EEFSEC: variants seen among roughly 807,000 people sequenced by gnomAD.
EEFSEC encodes eukaryotic elongation factor, selenocysteine-tRNA specific, also known as selenocysteine-specific elongation factor.
Under a neutral mutation model 42.1 loss-of-function variants are expected in EEFSEC, and 43 were observed. The observed-to-expected ratio is 1.02, with a 90% confidence interval of 0.80 to 1.32. The LOEUF is 1.32. EEFSEC is among the 40% of genes most tolerant of loss of function. The pLI is 0.00. For synonymous variants in EEFSEC, 354 were observed against 339.1 expected (o/e 1.04, Z -0.48); for missense variants, 745 against 803.6 (o/e 0.93, Z 0.88).
intron 4 of EEFSEC, among the ~76,000 whole-genome samples, chr3:128,299,286 A>T (rs2066740906): frequency 6.6e-6 from 1 of 151,770 alleles, no homozygotes. Context: ...GTGGTAACTC[A>T]TTGTCGTTTG....
At chr3:128,269,124 C>T (rs1322229225) in intron 4 of EEFSEC, among the ~76,000 whole-genome samples, 1 of 152,206 alleles carries the variant, frequency 6.6e-6, no homozygotes, top group African/African-American at 2.4e-5. Flanking sequence ...TCCTGGCATG[C>T]CCATCCCACA....
chr3:128,160,806 G>A lies in EEFSEC; in HGVS notation c.316+6983G>A, dbSNP rs2955116. Among the ~76,000 whole-genome samples, 65 of 149,680 alleles carry A rather than the reference G, an allele frequency of 4.3e-4. No individual in the cohort carries two copies. In the East Asian group the frequency reaches 9.6e-3, roughly 22 times the overall value. On this transcript the variant is annotated intron_variant, in intron 1 of 6. Transcript: ENST00000254730. ...CCACTGTGTGCGCACACACACGCGC[G>A]CACACACACACACACACACGAATCC... is the stretch of plus-strand genomic sequence containing the variant.
intron 1 of EEFSEC, among the ~76,000 whole-genome samples, chr3:128,195,201 T>G (rs1246339444): frequency 6.6e-6 from 1 of 152,228 alleles, no homozygotes; most frequent in South Asian, 2.1e-4. Context: ...TCTATGGCTT[T>G]AGGAGTTGAG....
intron 1 of EEFSEC, among the ~76,000 whole-genome samples, chr3:128,178,763 G>C (rs532580118): frequency 2.4e-4 from 37 of 152,224 alleles, no homozygotes; most frequent in Admixed American, 8.5e-4. Context: ...CTTTACCACA[G>C]ACCAGAAATT....
chr3:128,399,629 A>T (rs2068025904), intron 6 of EEFSEC, among the ~76,000 whole-genome samples: 1 of 152,108 alleles, frequency 6.6e-6, no homozygotes, highest in Non-Finnish European at 1.5e-5. Context: ...TTAGCTCCCC[A>T]GGAAAACAGA....
intron 4 of EEFSEC, among the ~76,000 whole-genome samples, chr3:128,280,121 G>T (rs1003173154): frequency 1.3e-5 from 2 of 152,190 alleles, no homozygotes; most frequent in East Asian, 3.8e-4. Context: ...ATCTCAATAT[G>T]TATGATTTGG....
In EEFSEC at chr3:128,334,030, TGAGA is replaced by T. The variant is rs201430343; in HGVS notation, c.787-7201_787-7198del. 1.5e-4 allele frequency among the ~76,000 whole-genome samples: 23 copies of T among 152,328 alleles called. No individual in the cohort carries two copies. The East Asian group carries it at 4.4e-3, about 29-fold the overall frequency. On this transcript the variant is annotated intron_variant, in intron 4 of 6. Transcript: ENST00000254730. ...GGAGGTTGGGAGGGAGGGATGCAGC[TGAGA>T]GTTAGCTCTGAAAACTCCATGGGCA...
chr3:128,284,935 T>G (rs1021004665), intron 4 of EEFSEC, among the ~76,000 whole-genome samples: 5 of 151,890 alleles, frequency 3.3e-5, no homozygotes, highest in Non-Finnish European at 5.9e-5. Context: ...ATGCAATATG[T>G]AAGGAGAAGC....
chr3:128,370,653 C>A (rs535728297), intron 6 of EEFSEC, among the ~76,000 whole-genome samples: 1 of 152,246 alleles, frequency 6.6e-6, no homozygotes, highest in Non-Finnish European at 1.5e-5. Flanking sequence ...ACCCTCTCTC[C>A]CCAGCCCAGC....
At chr3:128,414,256 G>A in the EEFSEC span, among the ~76,000 whole-genome samples, 1 of 152,132 alleles carries the variant, frequency 6.6e-6, no homozygotes, top group Non-Finnish European at 1.5e-5. Flanking sequence ...GTGGACCCCG[G>A]GGCTCTCTGG....
At chr3:128,249,515 G>T (rs571664209) in intron 2 of EEFSEC, among the ~76,000 whole-genome samples, 2 of 152,098 alleles carry the variant, frequency 1.3e-5, no homozygotes, top group Admixed American at 6.5e-5. Flanking sequence ...CTGTGTACCT[G>T]TCCCCACTAT....
rs1251305991 is a variant in EEFSEC, at chr3:128,153,525, G to C, written c.18G>C (p.Val6=). 6.6e-7 allele frequency: 1 copy of C among 1,514,864 alleles called. No individual in the cohort carries two copies. Among genetic ancestry groups the C allele is most frequent in the Non-Finnish European group, 8.8e-7 (1 of 1,137,876 alleles). 93.8% of individuals were successfully genotyped at this position (1,514,864 alleles called of 1,614,324 possible). A position where few individuals can be genotyped will look rare whatever the true frequency, so the allele number is the denominator to read the frequency against. ...GCGGCGGCATGGCAGGGCGGCGGGT[G>C]AACGTGAACGTGGGCGTGCTGGGCC... MAGRR[V]NVNVGVLGHI... The change falls in exon 1 of 7, where the codon GTG becomes GTC. Residue 6 remains valine (V), a synonymous_variant. Transcript: ENST00000254730.
At chr3:128,363,412 C>A (rs577140808) in intron 6 of EEFSEC, among the ~76,000 whole-genome samples, 1 of 152,340 alleles carries the variant, frequency 6.6e-6, no homozygotes. Context: ...ACTCCCCACA[C>A]CATGATGCCT....
intron 2 of EEFSEC, 51 bp from the exon 3 acceptor site, chr3:128,262,077 G>A: frequency 6.4e-7 from 1 of 1,570,062 alleles, no homozygotes; most frequent in South Asian, 1.1e-5. Flanking sequence ...CGTGCTTTGT[G>A]TCCATGTTGC....
rs111284262 is a variant in EEFSEC, at chr3:128,212,307, C to T, written c.317-34529C>T. 4.1e-3 allele frequency among the ~76,000 whole-genome samples: 623 copies of T among 152,332 alleles called. 5 individuals carry two copies. The highest frequency in any genetic ancestry group is 0.02 in the Middle Eastern group (6 of 294). ...TATCTGGACAGGGGCTGACCCTCAT[C>T]AGAGGTGTTCCTGCCACTACCTTTA... On this transcript the variant is annotated intron_variant, in intron 1 of 6. Coordinates refer to ENST00000254730, the MANE Select transcript of EEFSEC (RefSeq NM_021937.5).
intron 4 of EEFSEC, among the ~76,000 whole-genome samples, chr3:128,340,748 G>A (rs1280742929): frequency 1.3e-5 from 2 of 152,198 alleles, no homozygotes; most frequent in African/African-American, 4.8e-5. Flanking sequence ...AGGCTTTCCA[G>A]AGCAGTGGTG....
chr3:128,387,638 G>A (rs2067857231), intron 6 of EEFSEC, among the ~76,000 whole-genome samples: 3 of 152,150 alleles, frequency 2.0e-5, no homozygotes, highest in South Asian at 2.1e-4. Flanking sequence ...GGACTGGCAC[G>A]AAGAAGGATC....
At chr3:128,417,003 G>A in the EEFSEC span, among the ~76,000 whole-genome samples, 1 of 152,044 alleles carries the variant, frequency 6.6e-6, no homozygotes, top group African/African-American at 2.4e-5. This position sits in a 1 kb window ranked among gnomAD's most constrained non-coding sequence, Gnocchi z 4.3. Context: ...GCCTCTCACT[G>A]TCCCAGCAGG....
intron 1 of EEFSEC, among the ~76,000 whole-genome samples, chr3:128,173,960 T>G (rs2065323507): frequency 6.6e-6 from 1 of 152,170 alleles, no homozygotes; most frequent in South Asian, 2.1e-4. Context: ...CCTGCTCTCT[T>G]CCAGCCCTAT....
Sources: allele counts gnomAD v4.1 joint callset (sites outside exome capture counted in the v4.1 genomes callset), GRCh38; gene constraint gnomAD v4.1.1; non-coding constraint Gnocchi (gnomAD v3.1); transcripts MANE v1.5; gene names NCBI Gene and HGNC (gene_info 2026-07-23, HGNC 2026-07-21).